PPP2R1B: variants seen among roughly 807,000 people sequenced by gnomAD.
PPP2R1B encodes the protein protein phosphatase 2 scaffold subunit Abeta.
PPP2R1B carries 58 observed loss-of-function variants against 72.7 expected under a neutral mutation model. The observed-to-expected ratio is 0.80, with a 90% CI of 0.65 to 0.99. The LOEUF is 0.99. Ranked by LOEUF, PPP2R1B falls within the 50% of genes least tolerant of loss-of-function variation. The probability of loss-of-function intolerance (pLI) is 0.00; values close to 1 mark genes in which losing one functional copy is unlikely to be tolerated. For synonymous variants in PPP2R1B, 256 were observed against 264.6 expected (o/e 0.97, Z 0.32); for missense variants, 695 against 733.6 (o/e 0.95, Z 0.61).
At chr11:111,760,008 C>G in intron 4 of PPP2R1B, 57 bp from the exon 5 acceptor site, 1 of 1,545,994 alleles carries the variant, frequency 6.5e-7, no homozygotes, top group Non-Finnish European at 8.8e-7. Flanking sequence ...TAAACCTGCC[C>G]CCCATACACA....
chr11:111,704,117 T>C, the PPP2R1B span, among the ~76,000 whole-genome samples: 2 of 152,350 alleles, frequency 1.3e-5, no homozygotes, highest in Middle Eastern at 6.8e-3. Flanking sequence ...TGTGCTGCCT[T>C]TCCCCCGCCA....
the PPP2R1B span, among the ~76,000 whole-genome samples, chr11:111,713,146 CAG>C: frequency 6.6e-6 from 1 of 152,094 alleles, no homozygotes; most frequent in Admixed American, 6.5e-5. Flanking sequence ...GCCTGGGTGA[CAG>C]AGTGAGACTC....
At chr11:111,694,613 T>A in the PPP2R1B span, among the ~76,000 whole-genome samples, 1 of 152,246 alleles carries the variant, frequency 6.6e-6, no homozygotes, top group Admixed American at 6.5e-5. Flanking sequence ...TTAAGTATTT[T>A]ATTTTTATTG....
downstream of PPP2R1B, chr11:111,725,740 A>AG (rs1340948893): frequency 3.3e-5 from 5 of 152,596 alleles, no homozygotes; most frequent in African/African-American, 1.2e-4. Context: ...TGGAAAGTCT[A>AG]GGGGGTTCCA....
chr11:111,705,412 A>G, the PPP2R1B span, among the ~76,000 whole-genome samples: 1 of 152,218 alleles, frequency 6.6e-6, no homozygotes, highest in African/African-American at 2.4e-5. The surrounding 1 kb of genome is among the most constrained non-coding windows in gnomAD (Gnocchi z 4.3). Context: ...CCATTTAACA[A>G]ATTTTTATTA....
intron 1 of PPP2R1B, 181 bp downstream of exon 1, chr11:111,766,067 G>C (rs897610373): frequency 4.7e-6 from 3 of 635,264 alleles, no homozygotes; most frequent in Middle Eastern, 4.1e-4. Context: ...AGAGGTACCC[G>C]GGAGGGTCGG....
chr11:111,715,127 A>G, the PPP2R1B span, among the ~76,000 whole-genome samples: 1 of 152,260 alleles, frequency 6.6e-6, no homozygotes, highest in Non-Finnish European at 1.5e-5. Flanking sequence ...GTATATTTGC[A>G]TTTGTAGGAA....
chr11:111,697,034 T>A, the PPP2R1B span, among the ~76,000 whole-genome samples: 3 of 152,186 alleles, frequency 2.0e-5, no homozygotes, highest in Non-Finnish European at 4.4e-5. Context: ...CCCTGACAAT[T>A]ATTAACTTCT....
At chr11:111,747,281 G>A (rs1353325501) in intron 11 of PPP2R1B, among the ~76,000 whole-genome samples, 1 of 152,180 alleles carries the variant, frequency 6.6e-6, no homozygotes, top group African/African-American at 2.4e-5. Context: ...ACTGCTGCCT[G>A]GCACACAAGG....
At chr11:111,750,675 C>CAA (rs11410951) in intron 10 of PPP2R1B, among the ~76,000 whole-genome samples, 2 of 151,704 alleles carry the variant, frequency 1.3e-5, no homozygotes, top group Non-Finnish European at 2.9e-5. Flanking sequence ...GCCACCTACT[C>CAA]AAAAAAAGGA....
intron 5 of PPP2R1B, 147 bp from the exon 6 acceptor site, chr11:111,755,597 T>TC (rs1945082373): frequency 1.3e-6 from 1 of 770,364 alleles, no homozygotes. Context: ...TTTCTTTTTT[T>TC]TTTTTTTTTT....
At chr11:111,761,127 G>A (rs911001731) in intron 3 of PPP2R1B, 76 bp from the exon 4 acceptor site, 12 of 1,228,882 alleles carry the variant, frequency 9.8e-6, no homozygotes, top group African/African-American at 1.5e-5. Context: ...ACCTTTTAAA[G>A]TGACTGAAGG....
At chr11:111,746,194 A>C (rs1009936850) in intron 11 of PPP2R1B, among the ~76,000 whole-genome samples, 1 of 152,252 alleles carries the variant, frequency 6.6e-6, no homozygotes, top group Non-Finnish European at 1.5e-5. Flanking sequence ...CAACTTTTAA[A>C]GAAAGCATAG....
At chr11:111,756,123 T>C (rs1162386138) in intron 5 of PPP2R1B, among the ~76,000 whole-genome samples, 1 of 151,226 alleles carries the variant, frequency 6.6e-6, no homozygotes, top group Non-Finnish European at 1.5e-5. Context: ...GGCAGGCGAA[T>C]GGCGTGAACC....
At chr11:111,707,597 CAG>C in the PPP2R1B span, among the ~76,000 whole-genome samples, 1 of 152,278 alleles carries the variant, frequency 6.6e-6, no homozygotes, top group East Asian at 1.9e-4. Flanking sequence ...CCCCTCCTCT[CAG>C]AGATTTCACA....
downstream of PPP2R1B, chr11:111,726,364 G>T (rs1943966539): frequency 6.6e-6 from 1 of 152,536 alleles, no homozygotes; most frequent in African/African-American, 2.4e-5. Flanking sequence ...CTGCAGAGAG[G>T]CTACTGGAAG....
rs886610241 is a variant in PPP2R1B at position 111,742,624 on chromosome 11, T to G, written c.1596A>C (p.Gln532His). The G allele has an allele frequency of 6.2e-7, 1 of 1,613,730 alleles. No homozygotes were observed. The highest frequency in any genetic ancestry group is 8.5e-7 in the Non-Finnish European group (1 of 1,179,902). Residue 532 changes from glutamine (Q) to histidine (H), a missense_variant, in exon 13 of 15, where the codon CAA becomes CAC. Transcript: ENST00000527614. ...CCATTTTTAATACGATGGGCAGCAT[T>G]TGCTTAGTAGTTATTTCCTGACCAC... ...EACGQEITTK[Q>H]MLPIVLKMAG...
In PPP2R1B at chr11:111,726,921, G is replaced by A. The variant is rs369377901; in HGVS notation, c.*44C>T. ...TTTCGTTCGGCAAAAAGTGCAATAT[G>A]TGTGGTACTTTATTTTTTATGTTCT... On this transcript the variant is annotated 3_prime_UTR_variant, in exon 16 of 16. Transcript: ENST00000311129. 18 of 1,588,926 alleles carry A rather than the reference G, an allele frequency of 1.1e-5. No homozygotes were observed. In the African/African-American group the frequency reaches 2.4e-4, roughly 21 times the overall value.
At chr11:111,720,800 G>A in the PPP2R1B span, 25 of 1,571,214 alleles carry the variant, frequency 1.6e-5, no homozygotes, top group East Asian at 4.5e-5. Flanking sequence ...AACTCGCGTC[G>A]TAGGAGAGCA....
Sources: allele counts gnomAD v4.1 joint callset (sites outside exome capture counted in the v4.1 genomes callset), GRCh38; gene constraint gnomAD v4.1.1; non-coding constraint Gnocchi (gnomAD v3.1); transcripts MANE v1.5; gene names NCBI Gene and HGNC (gene_info 2026-07-23, HGNC 2026-07-21).